Variants in CD46 observed in about 807,000 individuals in gnomAD.
CD46 encodes the protein membrane cofactor protein.
In CD46, 30 loss-of-function variants were observed where a neutral mutation model predicts 53.3. The ratio of observed to expected loss-of-function variants is 0.56; its 90% CI spans 0.42 to 0.76. The LOEUF (loss-of-function observed/expected upper bound fraction) is 0.76. Among genes scored for constraint, CD46 ranks in the 30% least tolerant of loss-of-function variants. The probability of loss-of-function intolerance (pLI) is 0.00; values close to 1 mark genes in which losing one functional copy is unlikely to be tolerated. For missense variants in CD46, 409 were observed against 463.0 expected, an observed-to-expected ratio of 0.88 and a Z score of 1.07; for synonymous variants, 142 against 152.0, an observed-to-expected ratio of 0.93 and a Z score of 0.48.
chr1:207,759,928 C>T (rs12567067), intron 4 of CD46: 2 of 490,772 alleles, frequency 4.1e-6, no homozygotes, highest in East Asian at 3.7e-5. Flanking sequence ...GTTTGTTTTT[C>T]CTAAGACACG....
At chr1:207,781,184 A>G (rs2102668919) in intron 8 of CD46, among the ~76,000 whole-genome samples, 1 of 150,436 alleles carries the variant, frequency 6.6e-6, no homozygotes, top group African/African-American at 2.5e-5. Flanking sequence ...TTCCCTAAAA[A>G]TTAGAAATGT....
At chr1:207,759,008 T>C (rs769762059) in intron 3 of CD46, among the ~76,000 whole-genome samples, 12 of 152,232 alleles carry the variant, frequency 7.9e-5, no homozygotes, top group Non-Finnish European at 1.0e-4. Context: ...GAAGATTTCA[T>C]TGAGTATAGG....
chr1:207,768,156 A>G lies in CD46; in HGVS notation c.901+333A>G, dbSNP rs1006951931. The G allele has an allele frequency of 4.0e-5, 11 of 274,304 alleles. No homozygotes were observed. The Admixed American group carries it at 4.9e-4, about 12-fold the overall frequency. 17.0% of individuals were successfully genotyped at this position (274,304 alleles called of 1,614,324 possible). On this transcript the variant is annotated intron_variant, in intron 7 of 12. Coordinates refer to ENST00000367042, the MANE Select transcript of CD46 (RefSeq NM_172351.3). ...GGGATGCATTTAAAGCACTTAGCAC[A>G]GTGCCTGGTGTAGAGAAAGCTCTTA...
chr1:207,783,940 A>T (rs1186714309), intron 9 of CD46, among the ~76,000 whole-genome samples: 1 of 152,244 alleles, frequency 6.6e-6, no homozygotes, highest in Non-Finnish European at 1.5e-5. Flanking sequence ...GCTTTGACTT[A>T]TAGCAATTTA....
intron 6 of CD46, chr1:207,767,405 C>T (rs1656980955): frequency 4.3e-6 from 3 of 704,312 alleles, no homozygotes; most frequent in Admixed American, 5.1e-5. Context: ...TGTGCTTTTC[C>T]AGGGTTCTTA....
At position 207,794,458 on chromosome 1, in the gene CD46, C is replaced by T. The variant is rs139616501; in HGVS notation, c.*981C>T. 3 of 152,296 alleles carry T rather than the reference C, an allele frequency of 2.0e-5. No individual in the cohort carries two copies. Among genetic ancestry groups the T allele is most frequent in the African/African-American group, 7.2e-5 (3 of 41,572 alleles). 9.4% of individuals were successfully genotyped at this position (152,296 alleles called of 1,614,324 possible). ...GGTTACATGTGTTTTTCTCTCCCTC[C>T]TTAAATAAAGAGAGGGGTTAAACAT... On this transcript the variant is annotated 3_prime_UTR_variant, in exon 13 of 13. Coordinates refer to ENST00000367042, the MANE Select transcript of CD46 (RefSeq NM_172351.3).
At chr1:207,780,004 T>A (rs934149815) in intron 8 of CD46, among the ~76,000 whole-genome samples, 3 of 149,698 alleles carry the variant, frequency 2.0e-5, no homozygotes, top group African/African-American at 7.4e-5. Context: ...AACTCTATGT[T>A]ATTTTTTCCA....
chr1:207,785,596 AT>A, intron 10 of CD46, 22 bp from the exon 11 acceptor site: 1 of 1,559,034 alleles, frequency 6.4e-7, no homozygotes, highest in Middle Eastern at 1.7e-4. Flanking sequence ...ATTATATGTC[AT>A]TTGTTTCCTG....
At chr1:207,778,945 C>A (rs1322547258) in intron 8 of CD46, among the ~76,000 whole-genome samples, 1 of 152,070 alleles carries the variant, frequency 6.6e-6, no homozygotes, top group Non-Finnish European at 1.5e-5. Flanking sequence ...TTGTTTGTGT[C>A]TTCTCTGATT....
intron 8 of CD46, among the ~76,000 whole-genome samples, chr1:207,774,639 C>CA (rs1482710758): frequency 2.0e-5 from 3 of 152,080 alleles, no homozygotes; most frequent in Non-Finnish European, 4.4e-5. Flanking sequence ...TCTTCACTTA[C>CA]AAAGCTTAGT....
chr1:207,752,229 G>T lies in CD46; in HGVS notation c.17G>T (p.Arg6Leu), dbSNP rs749796669. MEPPG[R>L]RECPFPSWRF... ...GCGCCGCGCATGGAGCCTCCCGGCC[G>T]CCGCGAGTGTCCCTTTCCTTCCTGG... The change falls in exon 1 of 13, where the codon CGC (arginine) becomes CTC (leucine). Residue 6 changes from arginine to leucine, a missense_variant. Coordinates refer to ENST00000367042, the MANE Select transcript of CD46 (RefSeq NM_172351.3). The surrounding 1 kb of genome is among the most constrained non-coding windows in gnomAD (Gnocchi z 4.1). The T allele has an allele frequency of 6.2e-7, 1 of 1,613,964 alleles. No individual in the cohort carries two copies. Among genetic ancestry groups the T allele is most frequent in the Middle Eastern group, 1.6e-4 (1 of 6,062 alleles).
chr1:207,790,563 A>G (rs1339690745), intron 12 of CD46, among the ~76,000 whole-genome samples: 1 of 152,206 alleles, frequency 6.6e-6, no homozygotes, highest in African/African-American at 2.4e-5. Flanking sequence ...GGCTTTAAAT[A>G]GAGTTATGTT....
chr1:207,765,053 T>G (rs541404963), intron 5 of CD46, among the ~76,000 whole-genome samples: 56 of 152,312 alleles, frequency 3.7e-4, no homozygotes, highest in African/African-American at 1.3e-3. Context: ...CAACAAAATA[T>G]TAGCAAACCA....
intron 1 of CD46, among the ~76,000 whole-genome samples, chr1:207,754,751 G>A (rs1655328085): frequency 1.3e-5 from 2 of 151,990 alleles, no homozygotes; most frequent in Admixed American, 6.6e-5. Flanking sequence ...GACTCTGCAG[G>A]GCTTCCAGTA....
intron 8 of CD46, among the ~76,000 whole-genome samples, chr1:207,774,766 A>T (rs980240757): frequency 6.6e-6 from 1 of 152,216 alleles, no homozygotes; most frequent in African/African-American, 2.4e-5. Flanking sequence ...ATAGTTGGAT[A>T]GGCTTCCCTT....
In CD46 at chr1:207,770,317, C is replaced by A; in HGVS notation, c.902-4C>A. The A allele has an allele frequency of 1.2e-6, 2 of 1,600,632 alleles. No homozygotes were observed. The highest frequency in any genetic ancestry group is 1.7e-6 in the Non-Finnish European group (2 of 1,168,416). On this transcript the variant is annotated splice_region_variant and splice_polypyrimidine_tract_variant and intron_variant, in intron 7 of 12. Transcript: ENST00000367042. ...AATTTATAAAATCAAACTTATTTTT[C>A]TAGGTCCTAGGCCTACTTACAAGCC...
chr1:207,754,731 C>T (rs1655324686), intron 1 of CD46, among the ~76,000 whole-genome samples: 1 of 152,072 alleles, frequency 6.6e-6, no homozygotes, highest in South Asian at 2.1e-4. Context: ...ATCTGTCTCC[C>T]CTATTTGTTG....
intron 12 of CD46, 117 bp from the exon 13 acceptor site, chr1:207,793,392 ATTTCCCAGGT>A: frequency 1.4e-6 from 1 of 718,366 alleles, no homozygotes; most frequent in South Asian, 1.6e-5. Flanking sequence ...AGAATAATTT[ATTTCCCAGGT>A]TGGTGGCTCA....
Position 207,783,318 on chromosome 1 carries a change from C to T in CD46, c.970C>T (p.Leu324Phe), listed in dbSNP as rs755089095. The part of the protein sequence containing the change: ...PGYPKPEEGI[L>F]DSLDVWVIAV... ...ATATCCTAAACCTGAGGAAGGAATA[C>T]TTGACAGTTTGGGTTGGTATAGCTA... The change falls in exon 9 of 13, where the codon CTT becomes TTT. Residue 324 changes from leucine (L) to phenylalanine (F), a missense_variant. Physicochemically the swap from Leu to Phe is conservative, Grantham distance 22. Coordinates refer to ENST00000367042, the MANE Select transcript of CD46 (RefSeq NM_172351.3). 3.9e-6 allele frequency: 6 copies of T among 1,534,914 alleles called. No homozygotes were observed. The highest frequency in any genetic ancestry group is 4.5e-6 in the Non-Finnish European group (5 of 1,108,872).
Sources: allele counts gnomAD v4.1 joint callset (sites outside exome capture counted in the v4.1 genomes callset), GRCh38; gene constraint gnomAD v4.1.1; non-coding constraint Gnocchi (gnomAD v3.1); transcripts MANE v1.5; gene names NCBI Gene and HGNC (gene_info 2026-07-23, HGNC 2026-07-21).